Variants in PCDHGA2 observed in about 807,000 individuals in gnomAD.
The protein encoded by PCDHGA2 is protocadherin gamma-A2.
PCDHGA2 carries 40 observed loss-of-function variants against 59.2 expected under a neutral mutation model. The ratio of observed to expected loss-of-function variants is 0.68; its 90% CI spans 0.52 to 0.88. PCDHGA2 has a LOEUF of 0.88. PCDHGA2 is among the 40% of genes least tolerant of loss of function. The probability of loss-of-function intolerance (pLI) is 0.00; values close to 1 mark genes in which losing one functional copy is unlikely to be tolerated. For missense variants in PCDHGA2, 1,226 were observed against 1,204.0 expected (o/e 1.02, Z -0.27); for synonymous variants, 560 against 526.0 (o/e 1.06, Z -0.89).
At position 141,487,557 on chromosome 5, in the gene PCDHGA2, T is replaced by C. The variant is rs751511771; in HGVS notation, c.2425-7250T>C. On this transcript the variant is annotated intron_variant, in intron 1 of 3. Coordinates refer to ENST00000394576, the MANE Select transcript of PCDHGA2 (RefSeq NM_018915.4). The surrounding 1 kb of genome is among the most constrained non-coding windows in gnomAD (Gnocchi z 5.0). The stretch of plus-strand genomic sequence containing the variant: ...ATGGTGAAGTCACCCAGTGCACCTA[T>C]GGCAGGGGAGCCTGTTCGCCCAAGC... The C allele has an allele frequency of 1.9e-5, 31 of 1,614,060 alleles. No homozygotes were observed. In the East Asian group the frequency reaches 4.2e-4, roughly 22 times the overall value.
intron 1 of PCDHGA2, among the ~76,000 whole-genome samples, chr5:141,488,398 A>T (rs2099675065): frequency 6.6e-6 from 1 of 152,192 alleles, no homozygotes; most frequent in African/African-American, 2.4e-5. Flanking sequence ...GAAACCATGA[A>T]ACCTAGAAGC....
At chr5:141,360,925 G>T in intron 1 of PCDHGA2, 1 of 1,614,018 alleles carries the variant, frequency 6.2e-7, no homozygotes, top group Non-Finnish European at 8.5e-7. Flanking sequence ...TGTGCTTCAA[G>T]TGACAGCCAC....
Position 141,477,413 on chromosome 5 carries a change from G to A in PCDHGA2, c.2425-17394G>A. ...CCTCAGCATCACCGCCCGAGACGCC[G>A]GAACCCCTTCCCTCTCAGCCCTTAC... On this transcript the variant is annotated intron_variant, in intron 1 of 3. Transcript: ENST00000394576. This position sits in a 1 kb window ranked among gnomAD's most constrained non-coding sequence, Gnocchi z 4.9. 1 of 1,614,080 alleles carries A rather than the reference G, an allele frequency of 6.2e-7. No individual in the cohort carries two copies. Among genetic ancestry groups the A allele is most frequent in the Non-Finnish European group, 8.5e-7 (1 of 1,180,026 alleles).
At chr5:141,467,178 A>C (rs1344437465) in intron 1 of PCDHGA2, among the ~76,000 whole-genome samples, 1 of 151,604 alleles carries the variant, frequency 6.6e-6, no homozygotes, top group Non-Finnish European at 1.5e-5. Flanking sequence ...TCAGCCTCCC[A>C]AGTAGCTGGG....
intron 1 of PCDHGA2, chr5:141,345,528 G>A (rs1486016399): frequency 1.9e-6 from 3 of 1,614,012 alleles, no homozygotes; most frequent in Non-Finnish European, 1.7e-6. Context: ...TCTCCAGGGG[G>A]CGCCCCTGTC....
Position 141,383,215 on chromosome 5 carries a change from T to C in PCDHGA2, c.2424+41820T>C, listed in dbSNP as rs375026409. ...TCAGAGTGCGCGGTGTCTGGTAAAC[T>C]TTAACATCCTGATGGAAGATAAAAT... On this transcript the variant is annotated intron_variant, in intron 1 of 3. Coordinates refer to ENST00000394576, the MANE Select transcript of PCDHGA2 (RefSeq NM_018915.4). The C allele has an allele frequency of 5.6e-6, 9 of 1,613,884 alleles. No individual in the cohort carries two copies. The African/African-American group carries it at 1.2e-4, about 22-fold the overall frequency.
At chr5:141,425,159 G>T (rs557552439) in intron 1 of PCDHGA2, among the ~76,000 whole-genome samples, 1 of 152,244 alleles carries the variant, frequency 6.6e-6, no homozygotes, top group Non-Finnish European at 1.5e-5. Context: ...AGCATCTAGG[G>T]ATAGGATTTA....
At chr5:141,352,392 T>G in intron 1 of PCDHGA2, 1 of 1,614,056 alleles carries the variant, frequency 6.2e-7, no homozygotes, top group South Asian at 1.1e-5. Context: ...GCCCTGCGCC[T>G]GCGACGTTCC....
intron 1 of PCDHGA2, chr5:141,366,380 C>T: frequency 6.2e-7 from 1 of 1,614,106 alleles, no homozygotes; most frequent in Non-Finnish European, 8.5e-7. Flanking sequence ...CCCCATTGAC[C>T]CTGAGGATCT....
chr5:141,410,849 CTTT>C (rs759346998), intron 1 of PCDHGA2: 1,556 of 136,944 alleles, frequency 0.011, no homozygotes, highest in South Asian at 0.02. Flanking sequence ...TTGTCTTTGT[CTTT>C]TTTTTTTTTT....
chr5:141,395,400 G>C, intron 1 of PCDHGA2: 1 of 859,976 alleles, frequency 1.2e-6, no homozygotes, highest in Non-Finnish European at 1.7e-6. Context: ...AACTCTAATA[G>C]TCATAGGTTA....
intron 1 of PCDHGA2, among the ~76,000 whole-genome samples, chr5:141,347,295 A>G (rs1045805514): frequency 2.0e-5 from 3 of 151,892 alleles, no homozygotes; most frequent in African/African-American, 7.3e-5. Flanking sequence ...CTGGGACTAC[A>G]GGCACGAGCC....
rs773127033 is a variant in PCDHGA2 at position 141,365,541 on chromosome 5, T to C, written c.2424+24146T>C. On this transcript the variant is annotated intron_variant, in intron 1 of 3. Transcript: ENST00000394576. Reference sequence around the variant, plus strand: ...AAGTCAGTTGATAATTACTATCACCTATTAACAACTAGGGACCTGGACAGA... The same window carrying C: ...AAGTCAGTTGATAATTACTATCACCCATTAACAACTAGGGACCTGGACAGA... 3 of 1,613,728 alleles carry C rather than the reference T, an allele frequency of 1.9e-6. No individual in the cohort carries two copies. In the African/African-American group the frequency reaches 4.0e-5, roughly 22 times the overall value.
chr5:141,406,307 T>C (rs2094791462), intron 1 of PCDHGA2, among the ~76,000 whole-genome samples: 1 of 152,088 alleles, frequency 6.6e-6, no homozygotes, highest in African/African-American at 2.4e-5. Flanking sequence ...GTGAACCACC[T>C]CACCCAGCAA....
At chr5:141,354,730 T>C (rs1554075317) in intron 1 of PCDHGA2, among the ~76,000 whole-genome samples, 1 of 152,160 alleles carries the variant, frequency 6.6e-6, no homozygotes. Flanking sequence ...GGATGAACAA[T>C]GTGAAAACTG....
intron 1 of PCDHGA2, among the ~76,000 whole-genome samples, chr5:141,453,574 G>T (rs1285296493): frequency 6.6e-6 from 1 of 152,084 alleles, no homozygotes; most frequent in Non-Finnish European, 1.5e-5. Context: ...TCATTAGTTT[G>T]TGGTTTATCC....
At chr5:141,357,618 T>A in intron 1 of PCDHGA2, 1 of 1,613,734 alleles carries the variant, frequency 6.2e-7, no homozygotes, top group Non-Finnish European at 8.5e-7. Context: ...ACCCTAATCT[T>A]CAGGTGAGTC....
chr5:141,376,438 T>C lies in PCDHGA2; in HGVS notation c.2424+35043T>C, dbSNP rs752669729. 6.2e-6 allele frequency: 10 copies of C among 1,614,058 alleles called. No homozygotes were observed. The Admixed American group carries it at 8.3e-5, about 13-fold the overall frequency. On this transcript the variant is annotated intron_variant, in intron 1 of 3. Coordinates refer to ENST00000394576, the MANE Select transcript of PCDHGA2 (RefSeq NM_018915.4). ...ACACGCTTATCAACCAGGAGAGCTA[T>C]GAGAAAAGCGAGCCTCTTCTGATAA...
chr5:141,507,483 T>G (rs2099860964), intron 3 of PCDHGA2, among the ~76,000 whole-genome samples: 1 of 152,184 alleles, frequency 6.6e-6, no homozygotes, highest in South Asian at 2.1e-4. Context: ...GCTGGCCTCC[T>G]GAGGCAGAGC....
Sources: gnomAD v4.1 joint callset for allele counts (sites outside exome capture counted in the v4.1 genomes callset) on GRCh38, gnomAD v4.1.1 for gene constraint, Gnocchi (gnomAD v3.1) non-coding constraint, MANE v1.5 for transcripts, NCBI Gene and HGNC (gene_info 2026-07-23, HGNC 2026-07-21) for gene names.